Variants in WNK2 observed in about 807,000 individuals in gnomAD.
The protein encoded by WNK2 is WNK lysine deficient protein kinase 2.
Under a neutral mutation model 192.1 loss-of-function variants are expected in WNK2, and 67 were observed. The ratio of observed to expected loss-of-function variants is 0.35; its 90% CI spans 0.29 to 0.43. The LOEUF is 0.43. Among genes scored for constraint, WNK2 ranks in the 20% least tolerant of loss-of-function variants. The pLI is 1.00. For synonymous variants in WNK2, 1,439 were observed against 1,393.9 expected (o/e 1.03, Z -0.72); for missense variants, 2,698 against 3,089.7 (o/e 0.87, Z 3.01).
chr9:93,219,637 A>T lies in WNK2; in HGVS notation c.682-10059A>T, dbSNP rs544598390. Reference sequence around the variant, plus strand: ...GGTAGTGTGGGCCGAGGCTTAGCCCATCTGGGACACGCAGTGCTGAGAGTG... The same window carrying T: ...GGTAGTGTGGGCCGAGGCTTAGCCCTTCTGGGACACGCAGTGCTGAGAGTG... On this transcript the variant is annotated intron_variant, in intron 2 of 29. Transcript: ENST00000427277. 2.0e-5 allele frequency among the ~76,000 whole-genome samples: 3 copies of T among 152,360 alleles called. No individual in the cohort carries two copies. The East Asian group carries it at 5.8e-4, about 29-fold the overall frequency.
At position 93,261,978 on chromosome 9, in the gene WNK2, T is replaced by G; in HGVS notation, c.3231T>G (p.Ser1077=). The stretch of plus-strand genomic sequence containing the variant: ...TCCCCAGCTCCCTGGCCACGGTGTC[T>G]GCCTCTGTGCAGAGTGTGCCCACCC... ...PQFPSSLATV[S]ASVQSVPTQT... is the part of the protein sequence containing the mutation. The change falls in exon 13 of 30, where the codon TCT becomes TCG. Residue 1077 remains serine, a synonymous_variant. Coordinates refer to ENST00000427277, the MANE Select transcript of WNK2 (RefSeq NM_006648.4). The G allele has an allele frequency of 6.2e-7, 1 of 1,612,062 alleles. No homozygotes were observed.
intron 9 of WNK2, among the ~76,000 whole-genome samples, chr9:93,254,129 C>A (rs1194033046): frequency 6.6e-6 from 1 of 152,180 alleles, no homozygotes; most frequent in Non-Finnish European, 1.5e-5. Flanking sequence ...GTTGGCCAGC[C>A]TGGTCTCGAA....
intron 28 of WNK2, 83 bp downstream of exon 28, chr9:93,308,667 G>C: frequency 1.4e-6 from 2 of 1,422,532 alleles, no homozygotes; most frequent in Non-Finnish European, 9.4e-7. Flanking sequence ...GTGTGGCAGA[G>C]GGGTGTCCAG....
rs184249274 is a variant in WNK2, at chr9:93,282,484, A to G, written c.4034-6304A>G. Among the ~76,000 whole-genome samples the G allele has an allele frequency of 8.7e-4, 132 of 152,196 alleles. 1 individual carries two copies. Among genetic ancestry groups the G allele is most frequent in the Non-Finnish European group, 6.2e-4 (42 of 67,988 alleles). On this transcript the variant is annotated intron_variant, in intron 19 of 29. Transcript: ENST00000427277. ...AAGTGAAAAAAAAAAAACAGAACAA[A>G]GACATAAGATTATAAAAAGATTAAG...
chr9:93,292,300 T>TC lies in WNK2; in HGVS notation c.4937-5dup. ...TCAGCCCCAGTAACGTTTCTGATGT[T>TC]CCCATAGCAGAGTCGTCTCCCAGGA... On this transcript the variant is annotated splice_region_variant and splice_polypyrimidine_tract_variant and intron_variant, in intron 21 of 29. Transcript: ENST00000427277. The TC allele has an allele frequency of 6.2e-7, 1 of 1,613,752 alleles. No individual in the cohort carries two copies.
intron 2 of WNK2, among the ~76,000 whole-genome samples, chr9:93,219,295 C>G (rs1836365000): frequency 2.0e-5 from 3 of 152,258 alleles, no homozygotes; most frequent in South Asian, 4.1e-4. Context: ...GGGCTGGCCA[C>G]TGTCCTGGAG....
At chr9:93,207,528 G>C (rs1453160214) in intron 2 of WNK2, among the ~76,000 whole-genome samples, 3 of 152,204 alleles carry the variant, frequency 2.0e-5, no homozygotes, top group Admixed American at 6.5e-5. Flanking sequence ...AGCCCAACAG[G>C]CTGGTTGGTT....
In WNK2 at chr9:93,289,200, C is replaced by T. The variant is rs1159764260; in HGVS notation, c.4446C>T (p.Pro1482=). ...CCCTGCCACCTCCTGCACCTGAGCCCAGCCCCCACAGCGGGACCCCACAGC... is the reference window on the plus strand; with the variant it reads ...CCCTGCCACCTCCTGCACCTGAGCCTAGCCCCCACAGCGGGACCCCACAGC... The part of the protein sequence containing the change: ...REPLPPPAPE[P]SPHSGTPQPA... Residue 1482 remains proline, a synonymous_variant, in exon 20 of 30, where the codon CCC becomes CCT. Coordinates refer to ENST00000427277, the MANE Select transcript of WNK2 (RefSeq NM_006648.4). 47 of 1,602,590 alleles carry T rather than the reference C, an allele frequency of 2.9e-5. No individual in the cohort carries two copies. The highest frequency in any genetic ancestry group is 4.0e-5 in the Non-Finnish European group (47 of 1,177,272).
intron 26 of WNK2, among the ~76,000 whole-genome samples, chr9:93,302,415 C>T (rs564866988): frequency 6.6e-6 from 1 of 152,172 alleles, no homozygotes; most frequent in East Asian, 1.9e-4. Context: ...TGCCAAGGTG[C>T]GGCTAGTGGG....
chr9:93,211,816 TTCAC>T (rs1213169195), intron 2 of WNK2, among the ~76,000 whole-genome samples: 3 of 151,950 alleles, frequency 2.0e-5, no homozygotes, highest in South Asian at 2.1e-4. Flanking sequence ...GGTCCACTTA[TTCAC>T]TCACTCATCT....
chr9:93,317,656 C>A, intron 29 of WNK2, 25 bp downstream of exon 29: 1 of 1,606,332 alleles, frequency 6.2e-7, no homozygotes, highest in Non-Finnish European at 8.5e-7. Context: ...AACCTCCCAA[C>A]CCCACCCTGT....
At chr9:93,318,957 A>C in intron 29 of WNK2, 1 of 1,440,766 alleles carries the variant, frequency 6.9e-7, no homozygotes, top group Non-Finnish European at 9.1e-7. Flanking sequence ...CAAATCTATT[A>C]TTCCATCAAT....
At chr9:93,200,296 TTGTC>T (rs1832100890) in intron 2 of WNK2, among the ~76,000 whole-genome samples, 2 of 152,334 alleles carry the variant, frequency 1.3e-5, no homozygotes, top group South Asian at 4.1e-4. Flanking sequence ...TATCCAGACT[TTGTC>T]TGTCACTGCA....
chr9:93,284,466 CAAACA>C (rs567306421), intron 19 of WNK2, among the ~76,000 whole-genome samples: 10 of 151,860 alleles, frequency 6.6e-5, no homozygotes, highest in Admixed American at 2.6e-4. Context: ...TTACAAAAAA[CAAACA>C]AAACAAAACC....
At chr9:93,249,788 T>C (rs1842278268) in intron 8 of WNK2, among the ~76,000 whole-genome samples, 1 of 152,154 alleles carries the variant, frequency 6.6e-6, no homozygotes, top group Non-Finnish European at 1.5e-5. Context: ...AAAAACACTT[T>C]TACTTGTTCA....
rs769681072 is a variant in WNK2 at position 93,229,882 on chromosome 9, C to G, written c.854+14C>G. 1 of 1,610,952 alleles carries G rather than the reference C, an allele frequency of 6.2e-7. No individual in the cohort carries two copies. The highest frequency in any genetic ancestry group is 1.1e-5 in the South Asian group (1 of 90,862). ...GACGCTGAAGACGTAAGCTCCGCTT[C>G]CTGAGGGCTGGGGCGGGTCCTGGCA... On this transcript the variant is annotated intron_variant, in intron 3 of 29. Transcript: ENST00000427277. The surrounding 1 kb of genome is among the most constrained non-coding windows in gnomAD (Gnocchi z 4.9).
chr9:93,317,910 G>A (rs753024981), intron 29 of WNK2: 2 of 1,596,496 alleles, frequency 1.3e-6, no homozygotes, highest in Admixed American at 3.4e-5. Context: ...ACCAGGTGTG[G>A]TTTGGCCTCC....
intron 29 of WNK2, chr9:93,319,027 G>A (rs1478595366): frequency 6.5e-7 from 1 of 1,549,586 alleles, no homozygotes; most frequent in African/African-American, 1.4e-5. Flanking sequence ...GCACGATGCT[G>A]TCGTAAGAGA....
At position 93,263,625 on chromosome 9, in the gene WNK2, T is replaced by C. The variant is rs1474450245; in HGVS notation, c.3470T>C (p.Phe1157Ser). 1 of 1,609,058 alleles carries C rather than the reference T, an allele frequency of 6.2e-7. No homozygotes were observed. The highest frequency in any genetic ancestry group is 8.5e-7 in the Non-Finnish European group (1 of 1,178,718). ...CTGAGTGACAGCTGTGAAGGCGCCT[T>C]TGGAGGGGGCAGGCTGGAGGGCAGG... is the stretch of plus-strand genomic sequence containing the variant. ...KELSDSCEGA[F>S]GGGRLEGRAA... The change falls in exon 15 of 30, where the codon TTT becomes TCT. Residue 1157 changes from phenylalanine (F) to serine (S), a missense_variant. By Grantham distance (155) the Phe-to-Ser change is radical (BLOSUM62 -2). Coordinates refer to ENST00000427277, the MANE Select transcript of WNK2 (RefSeq NM_006648.4).
Sources: allele counts gnomAD v4.1 joint callset (sites outside exome capture counted in the v4.1 genomes callset), GRCh38; gene constraint gnomAD v4.1.1; non-coding constraint Gnocchi (gnomAD v3.1); transcripts MANE v1.5; gene names NCBI Gene and HGNC (gene_info 2026-07-23, HGNC 2026-07-21).